NDUFS1: variants seen among roughly 807,000 people sequenced by gnomAD.
The protein encoded by NDUFS1 is NADH-ubiquinone oxidoreductase 75 kDa subunit, mitochondrial.
In NDUFS1, 61 loss-of-function variants were observed where a neutral mutation model predicts 84.4. The observed-to-expected ratio is 0.72, with a 90% confidence interval of 0.59 to 0.89. The LOEUF (loss-of-function observed/expected upper bound fraction) is 0.89, where lower values mean the gene tolerates loss of function less well. NDUFS1 is among the 40% of genes least tolerant of loss of function. NDUFS1 has a pLI of 0.00. For synonymous variants in NDUFS1, 275 were observed against 290.0 expected (o/e 0.95, Z 0.53); for missense variants, 891 against 890.0 (o/e 1.00, Z -0.01).
At chr2:206,144,391 A>C (rs1430996766) in intron 9 of NDUFS1, among the ~76,000 whole-genome samples, 1 of 152,240 alleles carries the variant, frequency 6.6e-6, no homozygotes, top group Non-Finnish European at 1.5e-5. Flanking sequence ...GATTTCTTAT[A>C]CTTTCAGCTA....
At chr2:206,139,095 A>G (rs1301177921) in intron 12 of NDUFS1, among the ~76,000 whole-genome samples, 1 of 151,886 alleles carries the variant, frequency 6.6e-6, no homozygotes, top group Non-Finnish European at 1.5e-5. Flanking sequence ...CAGCCTGGGT[A>G]ACAAGAGCAA....
Position 206,116,922 on chromosome 2 carries a change from T to C in NDUFS1, c.*7263A>G, listed in dbSNP as rs1038671290. The C allele has an allele frequency of 6.6e-6, 1 of 152,496 alleles. No homozygotes were observed. The highest frequency in any genetic ancestry group is 2.4e-5 in the African/African-American group (1 of 41,312). The allele number at this position is 152,496 out of a possible 1,614,324, so 9.4% of individuals were successfully genotyped here. ...GTAATCCTAGCTAGATCCTAGTAGA[T>C]TGAGGCAGGAAAACTGAACCCGGGA... is the stretch of plus-strand genomic sequence containing the variant. On this transcript the variant is annotated 3_prime_UTR_variant, in exon 19 of 19. Transcript: ENST00000233190.
At chr2:206,142,914 CTT>C in intron 10 of NDUFS1, 83 bp from the exon 11 acceptor site, 1 of 1,549,464 alleles carries the variant, frequency 6.5e-7, no homozygotes. Flanking sequence ...TAAAACAGTA[CTT>C]GTTTTCAAGT....
At chr2:206,156,795 T>C (rs941358281) in intron 1 of NDUFS1, among the ~76,000 whole-genome samples, 1 of 152,214 alleles carries the variant, frequency 6.6e-6, no homozygotes, top group Admixed American at 6.5e-5. Flanking sequence ...AAATATCCAA[T>C]CTGTTTCCTG....
chr2:206,157,112 C>T (rs1176941727), intron 1 of NDUFS1, among the ~76,000 whole-genome samples: 4 of 152,098 alleles, frequency 2.6e-5, no homozygotes, highest in African/African-American at 9.7e-5. Context: ...TCATCACGCC[C>T]GGCTAATTTT....
At chr2:206,153,569 C>A in intron 2 of NDUFS1, 49 bp downstream of exon 2, 1 of 1,098,584 alleles carries the variant, frequency 9.1e-7, no homozygotes, top group Non-Finnish European at 1.4e-6. Context: ...TATAAATTTA[C>A]AAAAATAAGG....
At chr2:206,144,713 T>C (rs1451884232) in intron 9 of NDUFS1, among the ~76,000 whole-genome samples, 179 bp downstream of exon 9, 3 of 152,186 alleles carry the variant, frequency 2.0e-5, no homozygotes, top group African/African-American at 7.2e-5. Flanking sequence ...GTAAATACAA[T>C]ATCCAGGGAT....
intron 13 of NDUFS1, 81 bp downstream of exon 13, chr2:206,138,404 T>C (rs750115826): frequency 3.1e-5 from 46 of 1,505,578 alleles, no homozygotes; most frequent in Non-Finnish European, 3.7e-5. Flanking sequence ...AACACTTACA[T>C]AGGATTATTA....
At chr2:206,145,999 C>G (rs143026673) in intron 8 of NDUFS1, among the ~76,000 whole-genome samples, 603 of 152,298 alleles carry the variant, frequency 4.0e-3, no homozygotes, top group Middle Eastern at 0.01. Context: ...TCATAAACTC[C>G]TGGATAACTC....
intron 14 of NDUFS1, among the ~76,000 whole-genome samples, chr2:206,130,624 G>C (rs1374776027): frequency 6.6e-6 from 1 of 152,006 alleles, no homozygotes; most frequent in Non-Finnish European, 1.5e-5. Context: ...CAAAGTGCTG[G>C]GATTACGGGT....
chr2:206,128,084 T>TGGGA, intron 15 of NDUFS1, 112 bp from the exon 16 acceptor site: 2 of 1,216,146 alleles, frequency 1.6e-6, no homozygotes, highest in Non-Finnish European at 2.4e-6. Flanking sequence ...TCACAAAAGT[T>TGGGA]TTTAAAACTA....
chr2:206,127,542 G>T, intron 16 of NDUFS1: 1 of 390,246 alleles, frequency 2.6e-6, no homozygotes, highest in Non-Finnish European at 4.6e-6. Flanking sequence ...TAAAATAAAA[G>T]CACCAATTTC....
In NDUFS1 at chr2:206,126,774, T is replaced by C. The variant is rs201644320; in HGVS notation, c.1955A>G (p.Asn652Ser). ...TTCAATATCATCATATCGAACAAGA[T>C]TAGGAGAGACTTCTTCCAATCTGTT... Reference protein sequence around the residue: ...VRNRLEEVSPNLVRYDDIEGA... With the variant: ...VRNRLEEVSPSLVRYDDIEGA... Residue 652 changes from asparagine (N) to serine (S), a missense_variant, in exon 17 of 19, where the codon AAT becomes AGT. Physicochemically the swap from Asn to Ser is conservative, Grantham distance 46. Coordinates refer to ENST00000233190, the MANE Select transcript of NDUFS1 (RefSeq NM_005006.7). 9 of 1,614,138 alleles carry C rather than the reference T, an allele frequency of 5.6e-6. No individual in the cohort carries two copies. In the Admixed American group the frequency reaches 1.5e-4, roughly 27 times the overall value.
rs139882537 is a variant in NDUFS1 at position 206,115,536 on chromosome 2, T to C, written c.*8649A>G. The C allele has an allele frequency of 4.7e-3, 893 of 189,626 alleles. 7 individuals carry two copies. Among genetic ancestry groups the C allele is most frequent in the Non-Finnish European group, 6.0e-3 (566 of 93,944 alleles). The allele number at this position is 189,626 out of a possible 1,614,324, so 11.7% of individuals were successfully genotyped here. On this transcript the variant is annotated 3_prime_UTR_variant, in exon 19 of 19. Transcript: ENST00000233190. ...ATGGTCTTCCTGGCCTCCAGAATTG[T>C]AAGAAGTAAATTTTTTTTTTTTTTA...
At chr2:206,146,174 A>G (rs2105972744) in intron 8 of NDUFS1, among the ~76,000 whole-genome samples, 1 of 152,328 alleles carries the variant, frequency 6.6e-6, no homozygotes, top group Non-Finnish European at 1.5e-5. Context: ...TAAACTATGC[A>G]GACACAGGGG....
rs1330232096 is a variant in NDUFS1 at position 206,123,269 on chromosome 2, T to C, written c.*916A>G. 6.6e-6 allele frequency: 1 copy of C among 151,458 alleles called. No homozygotes were observed. Among genetic ancestry groups the C allele is most frequent in the Non-Finnish European group, 1.5e-5 (1 of 67,914 alleles). The allele number at this position is 151,458 out of a possible 1,614,324, so 9.4% of individuals were successfully genotyped here. ...ACAGAACATCAATGAGAATCTAAAT[T>C]ATATCTCTTGAGACCTCCCTCATTC... is the stretch of plus-strand genomic sequence containing the variant. On this transcript the variant is annotated 3_prime_UTR_variant, in exon 19 of 19. Coordinates refer to ENST00000233190, the MANE Select transcript of NDUFS1 (RefSeq NM_005006.7).
chr2:206,132,780 T>A (rs1691562186), intron 14 of NDUFS1, among the ~76,000 whole-genome samples, 165 bp downstream of exon 14: 1 of 152,184 alleles, frequency 6.6e-6, no homozygotes, highest in Non-Finnish European at 1.5e-5. Flanking sequence ...TTCCTTATCA[T>A]CTCGGGCTCT....
chr2:206,129,092 AC>A (rs1295999802), intron 15 of NDUFS1, among the ~76,000 whole-genome samples: 1 of 152,162 alleles, frequency 6.6e-6, no homozygotes, highest in East Asian at 1.9e-4. Context: ...AGAAAAGAAG[AC>A]CTTTAGAAAC....
At chr2:206,130,273 C>T (rs1691459574) in intron 14 of NDUFS1, 31 bp from the exon 15 acceptor site, 1 of 1,612,034 alleles carries the variant, frequency 6.2e-7, no homozygotes, top group South Asian at 1.1e-5. Flanking sequence ...TTTACCATAA[C>T]TGCAGTATTT....
Sources: allele counts gnomAD v4.1 joint callset (sites outside exome capture counted in the v4.1 genomes callset), GRCh38; gene constraint gnomAD v4.1.1; transcripts MANE v1.5; gene names NCBI Gene and HGNC (gene_info 2026-07-23, HGNC 2026-07-21).